FSD1: variants seen among roughly 807,000 people sequenced by gnomAD.
FSD1 encodes the protein fibronectin type III and SPRY domain-containing protein 1.
Under a neutral mutation model 58.2 loss-of-function variants are expected in FSD1, and 23 were observed. That is an observed-to-expected ratio of 0.40 (90% confidence interval 0.28 to 0.56). The LOEUF is 0.56. Among genes scored for constraint, FSD1 ranks in the 20% least tolerant of loss-of-function variants. The pLI is 0.54. For missense variants in FSD1, 563 were observed against 670.8 expected (o/e 0.84, Z 1.78); for synonymous variants, 265 against 263.4 (o/e 1.01, Z -0.06).
intron 9 of FSD1, 108 bp downstream of exon 9, chr19:4,318,613 G>C: frequency 9.6e-7 from 1 of 1,036,894 alleles, no homozygotes; most frequent in Non-Finnish European, 1.4e-6. Context: ...ACCTGGGGCT[G>C]GTGGAACCCA....
chr19:4,317,252 C>A lies in FSD1; in HGVS notation c.771C>A (p.Phe257Leu), dbSNP rs767414804. The stretch of plus-strand genomic sequence containing the variant: ...GTAACAAGGCAGTTGCAGGAGAGTT[C>A]TCTGAGCCGGTGACTCTGGAGACAC... ...KACNKAVAGE[F>L]SEPVTLETPA... is the part of the protein sequence containing the mutation. Residue 257 changes from phenylalanine (F) to leucine (L), a missense_variant, in exon 8 of 13, where the codon TTC becomes TTA. Physicochemically the swap from Phe to Leu is conservative, Grantham distance 22. Coordinates refer to ENST00000221856, the MANE Select transcript of FSD1 (RefSeq NM_024333.3). The A allele has an allele frequency of 1.2e-6, 2 of 1,611,602 alleles. No individual in the cohort carries two copies. Among genetic ancestry groups the A allele is most frequent in the South Asian group, 2.2e-5 (2 of 91,016 alleles).
intron 10 of FSD1, among the ~76,000 whole-genome samples, chr19:4,322,747 G>A (rs1351972095): frequency 2.6e-5 from 4 of 152,100 alleles, no homozygotes; most frequent in African/African-American, 9.7e-5. Flanking sequence ...GTATCTGGAG[G>A]GAATAGCTAG....
chr19:4,310,838 C>T, intron 6 of FSD1: 1 of 461,608 alleles, frequency 2.2e-6, no homozygotes, highest in Non-Finnish European at 3.9e-6. Flanking sequence ...AACTCTGTAC[C>T]CAGGGGTGGA....
rs150704165 is a variant in FSD1 at position 4,306,791 on chromosome 19, G to A, written c.243+462G>A. Among the ~76,000 whole-genome samples the A allele has an allele frequency of 3.8e-3, 577 of 151,954 alleles. 3 individuals carry two copies. Among genetic ancestry groups the A allele is most frequent in the African/African-American group, 0.013 (550 of 41,432 alleles). On this transcript the variant is annotated intron_variant, in intron 3 of 12. Coordinates refer to ENST00000221856, the MANE Select transcript of FSD1 (RefSeq NM_024333.3). ...CTCTGAATCCCCTCTCCATCACGGC[G>A]TCCCCGAGTCTGGCTCAGATCTTCC...
chr19:4,310,612 A>C lies in FSD1; in HGVS notation c.490+16A>C. On this transcript the variant is annotated intron_variant, in intron 6 of 12. Coordinates refer to ENST00000221856, the MANE Select transcript of FSD1 (RefSeq NM_024333.3). The stretch of plus-strand genomic sequence containing the variant: ...TTCCTGCCTGGTGAGAGGGGCACGC[A>C]CTAGAGGGCCAGGACTTCCGGGGAA... 6.2e-7 allele frequency: 1 copy of C among 1,609,482 alleles called. No homozygotes were observed. The highest frequency in any genetic ancestry group is 8.5e-7 in the Non-Finnish European group (1 of 1,178,794).
At chr19:4,315,352 A>G (rs1487062449) in intron 7 of FSD1, among the ~76,000 whole-genome samples, 1 of 120,436 alleles carries the variant, frequency 8.3e-6, no homozygotes, top group Non-Finnish European at 1.6e-5. Context: ...TCTGTTGCCC[A>G]GGCTGGAGTG....
intron 7 of FSD1, among the ~76,000 whole-genome samples, chr19:4,312,633 A>C (rs1265809528): frequency 6.6e-6 from 1 of 151,674 alleles, no homozygotes; most frequent in Non-Finnish European, 1.5e-5. Context: ...GAAATACTGT[A>C]TCTACTAAAA....
At position 4,318,879 on chromosome 19, in the gene FSD1, C is replaced by G. The variant is rs1260763948; in HGVS notation, c.967C>G (p.Pro323Ala). ...SPINSPARGT[P>A]SPKRMPSGRG... ...ACTCCCTGCCCACCACAGAGGTACT[C>G]CATCTCCCAAGAGGATGCCCTCAGG... The change falls in exon 10 of 13, where the codon CCA (proline) becomes GCA (alanine). Residue 323 changes from proline to alanine, a missense_variant. Physicochemically the swap from Pro to Ala is conservative, Grantham distance 27. Coordinates refer to ENST00000221856, the MANE Select transcript of FSD1 (RefSeq NM_024333.3). 6.2e-7 allele frequency: 1 copy of G among 1,613,594 alleles called. No individual in the cohort carries two copies.
At chr19:4,307,819 GC>G in intron 3 of FSD1, 62 bp from the exon 4 acceptor site, 1 of 1,204,410 alleles carries the variant, frequency 8.3e-7, no homozygotes. Flanking sequence ...GGGGTGGGGA[GC>G]CCTCAGGGGG....
chr19:4,319,836 G>A (rs1207962320), intron 10 of FSD1, among the ~76,000 whole-genome samples: 1 of 152,088 alleles, frequency 6.6e-6, no homozygotes, highest in East Asian at 1.9e-4. Flanking sequence ...CGTGTATAGA[G>A]GTTCATCTTG....
intron 7 of FSD1, 29 bp from the exon 8 acceptor site, chr19:4,317,153 A>G: frequency 8.3e-7 from 1 of 1,209,428 alleles, no homozygotes; most frequent in Non-Finnish European, 1.2e-6. Context: ...AATAATACAC[A>G]GTGTTGAAAT....
At chr19:4,311,542 G>A in intron 6 of FSD1, 1 of 327,934 alleles carries the variant, frequency 3.0e-6, no homozygotes, top group Non-Finnish European at 5.8e-6. Context: ...AATTAGCCGG[G>A]CCATGGTGGC....
chr19:4,311,795 G>A, intron 6 of FSD1, 47 bp from the exon 7 acceptor site: 1 of 1,589,356 alleles, frequency 6.3e-7, no homozygotes, highest in South Asian at 1.1e-5. Context: ...CCTGCCCCCT[G>A]AACCAGGCAC....
At chr19:4,306,978 C>T (rs1023419867) in intron 3 of FSD1, among the ~76,000 whole-genome samples, 1 of 152,228 alleles carries the variant, frequency 6.6e-6, no homozygotes, top group South Asian at 2.1e-4. Context: ...TCCTGGGCAA[C>T]TTCCTGACAT....
At chr19:4,321,124 C>G (rs1382663206) in intron 10 of FSD1, among the ~76,000 whole-genome samples, 1 of 61,568 alleles carries the variant, frequency 1.6e-5, no homozygotes, top group Non-Finnish European at 3.1e-5. Context: ...CTGAGGAGTA[C>G]CTGGAGGGGA....
chr19:4,318,056 G>C (rs1599540488), intron 8 of FSD1, among the ~76,000 whole-genome samples: 1 of 151,972 alleles, frequency 6.6e-6, no homozygotes, highest in Admixed American at 6.6e-5. Context: ...ACGTGGGAGG[G>C]AGACTTTTAG....
Position 4,323,827 on chromosome 19 carries a change from A to T in FSD1, c.*184A>T. The T allele has an allele frequency of 1.6e-6, 1 of 614,128 alleles. No homozygotes were observed. The highest frequency in any genetic ancestry group is 2.7e-5 in the East Asian group (1 of 36,380). The allele number at this position is 614,128 out of a possible 1,614,324, so 38.0% of individuals were successfully genotyped here. A position where few individuals can be genotyped will look rare whatever the true frequency, so the allele number is the denominator to read the frequency against. ...CCCACCTCACCTCTTAATAAAGGTC[A>T]GACACTGGCCAGGCGAGGCCGCGGT... On this transcript the variant is annotated 3_prime_UTR_variant, in exon 13 of 13. Transcript: ENST00000221856. The surrounding 1 kb of genome is among the most constrained non-coding windows in gnomAD (Gnocchi z 7.7).
At chr19:4,317,790 G>A (rs952700391) in intron 8 of FSD1, among the ~76,000 whole-genome samples, 7 of 152,188 alleles carry the variant, frequency 4.6e-5, no homozygotes, top group Non-Finnish European at 1.0e-4. Context: ...AGGCTGAGGC[G>A]GGCGGATCAC....
chr19:4,317,042 TGCGCCCG>T, intron 7 of FSD1, 133 bp from the exon 8 acceptor site: 1 of 600,718 alleles, frequency 1.7e-6, no homozygotes. Context: ...CGTGAGCCAG[TGCGCCCG>T]GCTGGATAAG....
Sources: gnomAD v4.1 joint callset for allele counts (sites outside exome capture counted in the v4.1 genomes callset) on GRCh38, gnomAD v4.1.1 for gene constraint, Gnocchi (gnomAD v3.1) non-coding constraint, MANE v1.5 for transcripts, NCBI Gene and HGNC (gene_info 2026-07-23, HGNC 2026-07-21) for gene names.